The following SMYD1 variants were observed in gnomAD, a reference collection of about 807,000 sequenced individuals.
The protein encoded by SMYD1 is histone-lysine N-methyltransferase SMYD1.
In SMYD1, 49 loss-of-function variants were observed where a neutral mutation model predicts 54.0. That is an observed-to-expected ratio of 0.91 (90% CI 0.72 to 1.15). SMYD1 has a LOEUF of 1.15. Ranked by LOEUF, SMYD1 falls within the 50% of genes most tolerant of loss-of-function variation. SMYD1 has a pLI of 0.00. For synonymous variants in SMYD1, 269 were observed against 234.2 expected, an observed-to-expected ratio of 1.15 and a Z score of -1.36; for missense variants, 653 against 639.6, an observed-to-expected ratio of 1.02 and a Z score of -0.23.
At chr2:88,094,205 T>C (rs1478435535) in intron 5 of SMYD1, among the ~76,000 whole-genome samples, 2 of 152,236 alleles carry the variant, frequency 1.3e-5, no homozygotes, top group East Asian at 3.8e-4. Context: ...GTTGGTGCAC[T>C]TGAGTCTGTG....
intron 7 of SMYD1, among the ~76,000 whole-genome samples, chr2:88,104,117 C>A (rs1024798777): frequency 2.0e-5 from 3 of 152,088 alleles, no homozygotes; most frequent in African/African-American, 7.2e-5. Flanking sequence ...CAGGTGCCCG[C>A]CACCACGCCT....
chr2:88,096,691 G>T lies in SMYD1; in HGVS notation c.795G>T (p.Gln265His). The T allele has an allele frequency of 6.2e-7, 1 of 1,614,220 alleles. No individual in the cohort carries two copies. The highest frequency in any genetic ancestry group is 8.5e-7 in the Non-Finnish European group (1 of 1,180,046). The change falls in exon 6 of 10, where the codon CAG becomes CAT. Residue 265 changes from glutamine (Q) to histidine (H), a missense_variant. Transcript: ENST00000419482. ...ACGTTAGTGAAGAACGCAAGAGGCA[G>T]CTGAAGAAGCAGTACTACTTTGACT... ...FLNVSEERKRQLKKQYYFDCT... is the reference protein window; with the variant it reads ...FLNVSEERKRHLKKQYYFDCT...
intron 3 of SMYD1, among the ~76,000 whole-genome samples, chr2:88,088,783 G>A (rs899435990): frequency 1.4e-4 from 22 of 152,260 alleles, no homozygotes; most frequent in African/African-American, 5.1e-4. Context: ...TGGAGCAGTG[G>A]GGGATGTGAG....
chr2:88,104,524 C>T (rs1674813176), intron 7 of SMYD1, among the ~76,000 whole-genome samples: 1 of 152,200 alleles, frequency 6.6e-6, no homozygotes, highest in Non-Finnish European at 1.5e-5. Flanking sequence ...CTGTTCGTTT[C>T]TTCTCCTTCT....
intron 9 of SMYD1, 120 bp from the exon 10 acceptor site, chr2:88,110,229 GTGTGT>G: frequency 2.1e-6 from 2 of 934,710 alleles, no homozygotes; most frequent in African/African-American, 3.3e-5. Flanking sequence ...GTGTGTGTGT[GTGTGT>G]ATTCTGAGGG....
rs1445180640 is a variant in SMYD1 at position 88,084,437 on chromosome 2, A to G, written c.259A>G (p.Lys87Glu). Residue 87 changes from lysine to glutamate, a missense_variant, in exon 2 of 10, where the codon AAG becomes GAG. Transcript: ENST00000419482. ...CCAGAAGGATGCTTGGCTGAACCAC[A>G]AGAATGAATGTTCGGCCATCAAGAG... ...TCQKDAWLNHKNECSAIKRYG... is the reference protein window; with the variant it reads ...TCQKDAWLNHENECSAIKRYG... 2 of 1,606,890 alleles carry G rather than the reference A, an allele frequency of 1.2e-6. No individual in the cohort carries two copies. Among genetic ancestry groups the G allele is most frequent in the East Asian group, 2.2e-5 (1 of 44,700 alleles).
In SMYD1 at chr2:88,111,979, G is replaced by A. The variant is rs1052936460; in HGVS notation, c.*1467G>A. On this transcript the variant is annotated 3_prime_UTR_variant, in exon 10 of 10. Coordinates refer to ENST00000419482, the MANE Select transcript of SMYD1 (RefSeq NM_198274.4). ...GTTAGCTTCTCCATCCTCACCACAT[G>A]ATGACCTGCTGTGTCCCTCTGAGCA... 1 of 689,122 alleles carries A rather than the reference G, an allele frequency of 1.5e-6. No individual in the cohort carries two copies. Among genetic ancestry groups the A allele is most frequent in the Non-Finnish European group, 2.7e-6 (1 of 376,408 alleles). The allele number at this position is 689,122 out of a possible 1,614,324, so 42.7% of individuals were successfully genotyped here.
chr2:88,071,270 A>G (rs944490459), intron 1 of SMYD1, among the ~76,000 whole-genome samples: 2 of 152,224 alleles, frequency 1.3e-5, no homozygotes, highest in Middle Eastern at 3.2e-3. Flanking sequence ...TGTAATTACT[A>G]GGCCAGTAAT....
chr2:88,100,064 C>T (rs187160550), intron 6 of SMYD1, among the ~76,000 whole-genome samples: 2 of 151,816 alleles, frequency 1.3e-5, no homozygotes, highest in African/African-American at 2.4e-5. Flanking sequence ...CTCCTCCCCC[C>T]CTCTTCCTCC....
intron 5 of SMYD1, 95 bp from the exon 6 acceptor site, chr2:88,096,500 G>A (rs1372841325): frequency 3.6e-6 from 4 of 1,103,270 alleles, no homozygotes; most frequent in Non-Finnish European, 5.3e-6. Flanking sequence ...GAAAGTCATT[G>A]TCTTTGAGAC....
In SMYD1 at chr2:88,105,090, A is replaced by G. The variant is rs1018663387; in HGVS notation, c.982-1235A>G. Among the ~76,000 whole-genome samples, 15 of 152,304 alleles carry G rather than the reference A, an allele frequency of 9.8e-5. 1 individual carries two copies. Among genetic ancestry groups the G allele is most frequent in the South Asian group, 4.1e-4 (2 of 4,830 alleles). ...TTTCTCTCCCAGATATTTGGTTTCA[A>G]TTGGTCTGGGGTAGGACTTGAACTT... On this transcript the variant is annotated intron_variant, in intron 7 of 9. Transcript: ENST00000419482.
intron 4 of SMYD1, among the ~76,000 whole-genome samples, chr2:88,091,677 G>GT (rs1170172299): frequency 6.6e-6 from 1 of 152,048 alleles, no homozygotes; most frequent in Non-Finnish European, 1.5e-5. Context: ...TGATACCCCC[G>GT]TATCTATAAA....
chr2:88,070,132 A>C lies in SMYD1; in HGVS notation c.137+2131A>C, dbSNP rs1673914300. ...ATCTAAAAGAGATAGTTTTTTTTTC[A>C]AAAAATGCTTTACCCAAACTTGTCA... On this transcript the variant is annotated intron_variant, in intron 1 of 9. Transcript: ENST00000419482. Among the ~76,000 whole-genome samples, 3 of 151,890 alleles carry C rather than the reference A, an allele frequency of 2.0e-5. No homozygotes were observed. In the South Asian group the frequency reaches 6.2e-4, roughly 32 times the overall value.
intron 8 of SMYD1, among the ~76,000 whole-genome samples, chr2:88,107,182 C>T (rs1484771932): frequency 6.6e-6 from 1 of 151,590 alleles, no homozygotes; most frequent in Non-Finnish European, 1.5e-5. Context: ...GCCTGGGCGA[C>T]AGAGCAAGAC....
At chr2:88,070,961 A>C (rs930288172) in intron 1 of SMYD1, among the ~76,000 whole-genome samples, 36 of 151,656 alleles carry the variant, frequency 2.4e-4, no homozygotes, top group Admixed American at 3.9e-4. Context: ...AAAAAAAAAA[A>C]AAAAAACAGT....
rs753260787 is a variant in SMYD1 at position 88,067,957 on chromosome 2, T to C, written c.93T>C (p.Asp31=). 1.2e-6 allele frequency: 2 copies of C among 1,613,976 alleles called. No homozygotes were observed. Among genetic ancestry groups the C allele is most frequent in the East Asian group, 4.5e-5 (2 of 44,874 alleles). Residue 31 remains aspartate, a synonymous_variant, in exon 1 of 10, where the codon GAT becomes GAC. Transcript: ENST00000419482. The part of the protein sequence containing the change: ...LKATKEFWAA[D]IIFAERAYSA... ...CCACCAAGGAGTTCTGGGCTGCAGATATCATCTTTGCTGAGCGGGCTTATT... is the reference window on the plus strand; with the variant it reads ...CCACCAAGGAGTTCTGGGCTGCAGACATCATCTTTGCTGAGCGGGCTTATT...
intron 6 of SMYD1, among the ~76,000 whole-genome samples, chr2:88,097,210 T>C (rs1180480264): frequency 2.0e-5 from 3 of 152,172 alleles, no homozygotes; most frequent in African/African-American, 7.2e-5. Context: ...CATCTGGTTA[T>C]CAAAAAGATA....
chr2:88,106,466 A>T lies in SMYD1; in HGVS notation c.1123A>T (p.Arg375Trp). The change falls in exon 8 of 10, where the codon AGG (arginine) becomes TGG (tryptophan). Residue 375 changes from arginine (R) to tryptophan (W), a missense_variant. Physicochemically the swap from Arg to Trp is moderately radical, Grantham distance 101. Coordinates refer to ENST00000419482, the MANE Select transcript of SMYD1 (RefSeq NM_198274.4). Reference sequence around the variant, plus strand: ...CTTTGAGGAGGCCTCGTTCTATGCCAGGAGGATGGTGGACGGCTATATGTA... The same window carrying T: ...CTTTGAGGAGGCCTCGTTCTATGCCTGGAGGATGGTGGACGGCTATATGTA... ...QAFEEASFYA[R>W]RMVDGYMKLY... is the part of the protein sequence containing the mutation. 1 of 1,614,104 alleles carries T rather than the reference A, an allele frequency of 6.2e-7. No homozygotes were observed. The highest frequency in any genetic ancestry group is 8.5e-7 in the Non-Finnish European group (1 of 1,179,984).
intron 1 of SMYD1, among the ~76,000 whole-genome samples, chr2:88,076,880 C>T (rs898315688): frequency 6.6e-6 from 1 of 152,100 alleles, no homozygotes; most frequent in Admixed American, 6.5e-5. Context: ...AGCGTGGTGG[C>T]ATGTGCCTGT....
Sources: gnomAD v4.1 joint callset for allele counts (sites outside exome capture counted in the v4.1 genomes callset) on GRCh38, gnomAD v4.1.1 for gene constraint, MANE v1.5 for transcripts, NCBI Gene and HGNC (gene_info 2026-07-23, HGNC 2026-07-21) for gene names.